Variants in MYOM3 observed in about 807,000 individuals in gnomAD.
MYOM3 encodes myomesin 3.
Under a neutral mutation model 191.7 loss-of-function variants are expected in MYOM3, and 155 were observed. That is an observed-to-expected ratio of 0.81 (90% CI 0.71 to 0.92). The LOEUF (loss-of-function observed/expected upper bound fraction) is 0.92, where lower values mean the gene tolerates loss of function less well. Among genes scored for constraint, MYOM3 ranks in the 40% least tolerant of loss-of-function variants. The probability of loss-of-function intolerance (pLI) is 0.00; values close to 1 mark genes in which losing one functional copy is unlikely to be tolerated. For synonymous variants in MYOM3, 757 were observed against 762.9 expected (o/e 0.99, Z 0.13); for missense variants, 1,889 against 1,890.6 (o/e 1.00, Z 0.02).
intron 27 of MYOM3, 42 bp downstream of exon 27, chr1:24,067,928 C>T: frequency 1.9e-6 from 3 of 1,598,544 alleles, no homozygotes; most frequent in Non-Finnish European, 2.6e-6. Context: ...CTAGCACGAA[C>T]CAGTGGCCAG....
intron 12 of MYOM3, 137 bp from the exon 13 acceptor site, chr1:24,090,255 G>A: frequency 1.4e-6 from 1 of 696,578 alleles, no homozygotes. Context: ...CCTCAGACAG[G>A]TGCCCTCCCT....
intron 32 of MYOM3, among the ~76,000 whole-genome samples, chr1:24,062,509 G>A (rs2148541431): frequency 6.6e-6 from 1 of 152,306 alleles, no homozygotes; most frequent in Middle Eastern, 3.4e-3. Context: ...AGTGGGTGCA[G>A]TAATGTCTGC....
intron 20 of MYOM3, among the ~76,000 whole-genome samples, chr1:24,076,583 G>A (rs12126712): frequency 3.5e-5 from 2 of 57,506 alleles, no homozygotes; most frequent in Non-Finnish European, 3.6e-5. Context: ...GCGGGATCTC[G>A]GCTCATTGCA....
At chr1:24,076,066 C>T (rs1643595102) in intron 21 of MYOM3, 93 bp downstream of exon 21, 1 of 964,890 alleles carries the variant, frequency 1.0e-6, no homozygotes, top group East Asian at 2.5e-5. Flanking sequence ...GGGCCTAGCA[C>T]AGCATCAGGC....
In MYOM3 at chr1:24,082,668, C is replaced by T. The variant is rs757091056; in HGVS notation, c.2017G>A (p.Val673Ile). 4.7e-5 allele frequency: 75 copies of T among 1,612,668 alleles called. No homozygotes were observed. The East Asian group carries it at 1.0e-3, about 22-fold the overall frequency. The change falls in exon 17 of 37, where the codon GTC becomes ATC. Residue 673 changes from valine to isoleucine, a missense_variant. Physicochemically the swap from Val to Ile is conservative, Grantham distance 29 (BLOSUM62 3). Coordinates refer to ENST00000374434, the MANE Select transcript of MYOM3 (RefSeq NM_152372.4). ...LRTGKEYEFC[V>I]RSVSEAGVGE... The stretch of plus-strand genomic sequence containing the variant: ...ACCCCAGCCTCGCTGACTGACCTGA[C>T]ACAAAACTCGTACTCCTTCCCCGTC...
chr1:24,097,991 G>C lies in MYOM3; in HGVS notation c.677C>G (p.Ala226Gly), dbSNP rs993625509. ...GTTCTTCACTCGCACAGTGTAAGTT[G>C]CTGAGTCCTCAATGGCGCATCTGAA... The part of the protein sequence containing the change: ...EIRRCAIEDS[A>G]TYTVRVKNAH... The change falls in exon 7 of 37, where the codon GCA (alanine) becomes GGA (glycine). Residue 226 changes from alanine (A) to glycine (G), a missense_variant. Ala to Gly is a moderately conservative substitution (Grantham distance 60). Coordinates refer to ENST00000374434, the MANE Select transcript of MYOM3 (RefSeq NM_152372.4). 1.9e-6 allele frequency: 3 copies of C among 1,612,966 alleles called. No homozygotes were observed. The Admixed American group carries it at 5.0e-5, about 27-fold the overall frequency.
chr1:24,081,599 G>A (rs2148551069), intron 18 of MYOM3, 143 bp from the exon 19 acceptor site: 2 of 997,500 alleles, frequency 2.0e-6, no homozygotes, highest in Non-Finnish European at 2.9e-6. Flanking sequence ...GTCTCACTTT[G>A]TCACCCAGGC....
chr1:24,091,122 T>C (rs1643817475), intron 11 of MYOM3, 126 bp from the exon 12 acceptor site: 5 of 1,111,368 alleles, frequency 4.5e-6, no homozygotes, highest in African/African-American at 1.6e-5. Context: ...ATTAAAGTTC[T>C]TCTCTCCAAT....
chr1:24,090,239 G>A (rs951469449), intron 12 of MYOM3, 121 bp from the exon 13 acceptor site: 5 of 791,940 alleles, frequency 6.3e-6, no homozygotes, highest in Non-Finnish European at 8.6e-6. Flanking sequence ...AGCCCTCGCT[G>A]TGCAACCTCA....
Position 24,084,562 on chromosome 1 carries a change from T to C in MYOM3, c.1876A>G (p.Lys626Glu). The change falls in exon 16 of 37, where the codon AAA becomes GAA. Residue 626 changes from lysine (K) to glutamate (E), a missense_variant. Transcript: ENST00000374434. ...TSVSLTWDPV[K>E]DPELLGYYIY... is the part of the protein sequence containing the mutation. ...TAATAACCCAGGAGCTCTGGGTCTTTCACAGGATCCCATGTCAGGGAGACA... is the reference window on the plus strand; with the variant it reads ...TAATAACCCAGGAGCTCTGGGTCTTCCACAGGATCCCATGTCAGGGAGACA... 6.2e-7 allele frequency: 1 copy of C among 1,614,144 alleles called. No individual in the cohort carries two copies. The highest frequency in any genetic ancestry group is 8.5e-7 in the Non-Finnish European group (1 of 1,180,018).
chr1:24,099,288 G>C (rs1643895081), intron 6 of MYOM3, among the ~76,000 whole-genome samples: 1 of 152,216 alleles, frequency 6.6e-6, no homozygotes, highest in South Asian at 2.1e-4. Flanking sequence ...GTATGCATAT[G>C]TGTGTGCACA....
chr1:24,107,119 T>C lies in MYOM3; in HGVS notation c.356A>G (p.His119Arg). The stretch of plus-strand genomic sequence containing the variant: ...GTCCCGCCTCTGGCGCAGCAGCCGG[T>C]GGGTCTGCAGGAAGGCGATCTCAGT... ...ERTEIAFLQT[H>R]RLLRQRRDWK... is the part of the protein sequence containing the mutation. Residue 119 changes from histidine to arginine, a missense_variant, in exon 4 of 37, where the codon CAC becomes CGC. Physicochemically the swap from His to Arg is conservative, Grantham distance 29. Transcript: ENST00000374434. The C allele has an allele frequency of 6.2e-7, 1 of 1,612,360 alleles. No individual in the cohort carries two copies. The highest frequency in any genetic ancestry group is 8.5e-7 in the Non-Finnish European group (1 of 1,179,432).
chr1:24,066,556 C>T lies in MYOM3; in HGVS notation c.3423+465G>A, dbSNP rs79849833. On this transcript the variant is annotated intron_variant, in intron 28 of 36. Coordinates refer to ENST00000374434, the MANE Select transcript of MYOM3 (RefSeq NM_152372.4). ...TTGGAATCAGATAGACTTGTTCAAA[C>T]CTGGGCTCTCCCTCTTACCGTGTGG... 1,389 of 399,910 alleles carry T rather than the reference C, an allele frequency of 3.5e-3. 38 individuals carry two copies. The East Asian group carries it at 0.062, about 18-fold the overall frequency. The allele number at this position is 399,910 out of a possible 1,614,324, so 24.8% of individuals were successfully genotyped here.
intron 13 of MYOM3, 136 bp downstream of exon 13, chr1:24,089,929 A>C: frequency 2.2e-6 from 2 of 890,860 alleles, no homozygotes; most frequent in Non-Finnish European, 3.5e-6. Flanking sequence ...CAGCACTCTG[A>C]CTGCCTCCAA....
At chr1:24,099,968 A>G (rs1215392696) in intron 5 of MYOM3, among the ~76,000 whole-genome samples, 193 bp from the exon 6 acceptor site, 2 of 152,112 alleles carry the variant, frequency 1.3e-5, no homozygotes, top group Non-Finnish European at 2.9e-5. Flanking sequence ...CTTGGGTTCA[A>G]GCAGTTCTCC....
At chr1:24,107,039 C>T (rs776024096) in intron 4 of MYOM3, 34 bp downstream of exon 4, 2 of 1,575,518 alleles carry the variant, frequency 1.3e-6, no homozygotes, top group Non-Finnish European at 1.7e-6. Context: ...GTCGCAGGTC[C>T]CAGGCCCTGG....
intron 20 of MYOM3, 55 bp downstream of exon 20, chr1:24,079,961 T>C: frequency 6.8e-7 from 1 of 1,474,824 alleles, no homozygotes; most frequent in Non-Finnish European, 9.2e-7. Context: ...GCTCTGATGC[T>C]CTAGTGGCAG....
Position 24,099,506 on chromosome 1 carries a change from G to A in MYOM3, c.656+174C>T, listed in dbSNP as rs1005902552. Among the ~76,000 whole-genome samples, 3 of 134,854 alleles carry A rather than the reference G, an allele frequency of 2.2e-5. No individual in the cohort carries two copies. The South Asian group carries it at 8.5e-4, about 38-fold the overall frequency. 88.5% of individuals were successfully genotyped at this position (134,854 alleles called of 152,430 possible). A position where few individuals can be genotyped will look rare whatever the true frequency, so the allele number is the denominator to read the frequency against. On this transcript the variant is annotated intron_variant, in intron 6 of 36. Transcript: ENST00000374434. ...CAGACCTGCTTAATCTGAATCTCTG[G>A]GGGTGGGGGGAGGGTCTGTCCTGTC...
Position 24,095,486 on chromosome 1 carries a change from G to A in MYOM3, c.746C>T (p.Thr249Ile), listed in dbSNP as rs1181687964. ...GAAGCCAGCATCCTTCCCCAGGTAAGCTGAAAAACCAAAGGCAAACAGAGT... is the reference window on the plus strand; with the variant it reads ...GAAGCCAGCATCCTTCCCCAGGTAAACTGAAAAACCAAAGGCAAACAGAGT... ...ASSFAKVLVR[T>I]YLGKDAGFDS... Residue 249 changes from threonine (T) to isoleucine (I), a missense_variant and splice_region_variant, in exon 8 of 37, where the codon ACT becomes ATT. Physicochemically the swap from Thr to Ile is moderately conservative, Grantham distance 89. Transcript: ENST00000374434. The A allele has an allele frequency of 1.2e-6, 2 of 1,612,832 alleles. No individual in the cohort carries two copies. Among genetic ancestry groups the A allele is most frequent in the South Asian group, 2.2e-5 (2 of 90,914 alleles).
Sources: allele counts gnomAD v4.1 joint callset (sites outside exome capture counted in the v4.1 genomes callset), GRCh38; gene constraint gnomAD v4.1.1; transcripts MANE v1.5; gene names NCBI Gene and HGNC (gene_info 2026-07-23, HGNC 2026-07-21).